Variants in TAOK1 observed in about 807,000 individuals in gnomAD.
TAOK1 encodes the protein serine/threonine-protein kinase TAO1.
In TAOK1, 21 loss-of-function variants were observed where a neutral mutation model predicts 138.3. That is an observed-to-expected ratio of 0.15 (90% CI 0.11 to 0.22). TAOK1 has a LOEUF of 0.22. Ranked by LOEUF, TAOK1 falls within the 10% of genes least tolerant of loss-of-function variation. TAOK1 has a pLI of 1.00. For missense variants in TAOK1, 651 were observed against 1,227.7 expected, an observed-to-expected ratio of 0.53 and a Z score of 7.02; for synonymous variants, 361 against 398.4, an observed-to-expected ratio of 0.91 and a Z score of 1.12.
rs530484486 is a variant in TAOK1, at chr17:29,500,379, A to C, written c.1203+1858A>C. ...CACTTCACAGCTTGTGTTATTATCT[A>C]AAAGTAGTAGGTACAATGGCTAAAA... On this transcript the variant is annotated intron_variant, in intron 12 of 19. Transcript: ENST00000261716. Among the ~76,000 whole-genome samples the C allele has an allele frequency of 7.9e-5, 12 of 152,226 alleles. No homozygotes were observed. The South Asian group carries it at 1.2e-3, about 16-fold the overall frequency.
chr17:29,425,964 T>G (rs1041268728), intron 1 of TAOK1, among the ~76,000 whole-genome samples: 2 of 152,214 alleles, frequency 1.3e-5, no homozygotes, highest in Non-Finnish European at 2.9e-5. Context: ...CACTGCAAGC[T>G]CCGCCTTCTG....
intron 7 of TAOK1, 127 bp from the exon 8 acceptor site, chr17:29,482,070 A>G (rs1380383484): frequency 1.1e-5 from 7 of 626,784 alleles, no homozygotes; most frequent in Non-Finnish European, 1.9e-5. Context: ...CGTTATAAAA[A>G]TTCTTATGTC....
chr17:29,445,141 C>G (rs2030044200), intron 1 of TAOK1, among the ~76,000 whole-genome samples: 1 of 152,058 alleles, frequency 6.6e-6, no homozygotes, highest in South Asian at 2.1e-4. Context: ...TTTGTGGGTA[C>G]ATAGTAGGTT....
chr17:29,535,459 A>G (rs955850254), intron 19 of TAOK1, among the ~76,000 whole-genome samples: 2 of 152,166 alleles, frequency 1.3e-5, no homozygotes, highest in African/African-American at 4.8e-5. Context: ...TTACCTAATG[A>G]TCTTCCTAAA....
At chr17:29,513,332 A>G (rs2031757758) in intron 15 of TAOK1, 1 of 152,146 alleles carries the variant, frequency 6.6e-6, no homozygotes, top group Non-Finnish European at 1.5e-5. Context: ...TCCCATGACT[A>G]TAATTCGAAA....
At chr17:29,527,499 C>T (rs1337297202) in intron 17 of TAOK1, among the ~76,000 whole-genome samples, 2 of 152,102 alleles carry the variant, frequency 1.3e-5, no homozygotes, top group Non-Finnish European at 2.9e-5. Flanking sequence ...CATAGCTAAA[C>T]TAAGAGTTTC....
At chr17:29,447,169 G>A (rs926618092) in intron 1 of TAOK1, among the ~76,000 whole-genome samples, 2 of 151,716 alleles carry the variant, frequency 1.3e-5, no homozygotes, top group African/African-American at 4.8e-5. Context: ...TCCTGCCTGA[G>A]CCTCCTGGGT....
At chr17:29,455,334 C>T (rs928570095) in intron 2 of TAOK1, among the ~76,000 whole-genome samples, 2 of 150,652 alleles carry the variant, frequency 1.3e-5, no homozygotes, top group Non-Finnish European at 2.9e-5. Flanking sequence ...ATCTTGTACC[C>T]TACAACTCTG....
chr17:29,409,327 ATATATATT>A lies in TAOK1; in HGVS notation c.-95+18305_-95+18312del, dbSNP rs1253389735. 7.8e-4 allele frequency among the ~76,000 whole-genome samples: 59 copies of A among 76,024 alleles called. 1 individual carries two copies. In the East Asian group the frequency reaches 0.011, roughly 14 times the overall value. 49.9% of individuals were successfully genotyped at this position (76,024 alleles called of 152,430 possible). A position where few individuals can be genotyped will look rare whatever the true frequency, so the allele number is the denominator to read the frequency against. On this transcript the variant is annotated intron_variant, in intron 1 of 19. Coordinates refer to ENST00000261716, the MANE Select transcript of TAOK1 (RefSeq NM_020791.4). ...TATGGACATATATATATATATATAT[ATATATATT>A]TTTTTTTTTTTTTTTTTGAGATGGA...
At chr17:29,499,513 T>C (rs1381166572) in intron 12 of TAOK1, among the ~76,000 whole-genome samples, 3 of 151,652 alleles carry the variant, frequency 2.0e-5, no homozygotes, top group Non-Finnish European at 4.4e-5. Context: ...ATTACAGGTG[T>C]GAGCCACTGC....
intron 17 of TAOK1, among the ~76,000 whole-genome samples, chr17:29,523,130 C>T (rs1191413510): frequency 2.0e-5 from 3 of 150,590 alleles, no homozygotes; most frequent in Non-Finnish European, 4.4e-5. Flanking sequence ...TTATATTCTA[C>T]ATGTCAACAA....
rs182089950 is a variant in TAOK1, at chr17:29,532,542, T to A, written c.2362-1576T>A. Among the ~76,000 whole-genome samples the A allele has an allele frequency of 2.5e-3, 374 of 152,160 alleles. 3 individuals are homozygous for A. The highest frequency in any genetic ancestry group is 8.1e-3 in the African/African-American group (336 of 41,514). ...GGTACTTGAGATTAGGGAGTGGTGA[T>A]GACTCTTAACGAGCATGCTGCCTTC... On this transcript the variant is annotated intron_variant, in intron 18 of 19. Transcript: ENST00000261716.
At chr17:29,443,181 A>G (rs1434641040) in intron 1 of TAOK1, among the ~76,000 whole-genome samples, 1 of 152,214 alleles carries the variant, frequency 6.6e-6, no homozygotes, top group East Asian at 1.9e-4. Context: ...ATAATATTAA[A>G]TCAACTGCTT....
At chr17:29,540,648 G>A (rs903179145) in intron 19 of TAOK1, among the ~76,000 whole-genome samples, 1 of 152,010 alleles carries the variant, frequency 6.6e-6, no homozygotes, top group Non-Finnish European at 1.5e-5. Context: ...TCTTCTCACC[G>A]CAACCTCCGC....
At chr17:29,523,222 TA>T (rs1200378105) in intron 17 of TAOK1, among the ~76,000 whole-genome samples, 2 of 151,644 alleles carry the variant, frequency 1.3e-5, no homozygotes, top group East Asian at 3.9e-4. Context: ...GTACAAGATT[TA>T]AAAATATGAA....
At chr17:29,456,006 T>C (rs1464070209) in intron 2 of TAOK1, among the ~76,000 whole-genome samples, 1 of 150,224 alleles carries the variant, frequency 6.7e-6, no homozygotes, top group Non-Finnish European at 1.5e-5. Flanking sequence ...TTCCCTTCTT[T>C]TCTATTTTTT....
chr17:29,457,041 C>G (rs1162543079), intron 2 of TAOK1, among the ~76,000 whole-genome samples: 2 of 138,594 alleles, frequency 1.4e-5, no homozygotes, highest in Non-Finnish European at 3.1e-5. Context: ...CCATATAGTT[C>G]TATTTCTGTA....
intron 1 of TAOK1, among the ~76,000 whole-genome samples, chr17:29,441,287 T>G (rs1263297889): frequency 6.6e-6 from 1 of 152,056 alleles, no homozygotes; most frequent in Non-Finnish European, 1.5e-5. Flanking sequence ...GACTACAGGA[T>G]CACTTGAGCC....
intron 6 of TAOK1, among the ~76,000 whole-genome samples, chr17:29,478,850 G>T (rs956267485): frequency 6.6e-6 from 1 of 152,126 alleles, no homozygotes; most frequent in Non-Finnish European, 1.5e-5. Context: ...GCCAGGCGAG[G>T]TGGCTCACAC....
Sources: allele counts gnomAD v4.1 joint callset (sites outside exome capture counted in the v4.1 genomes callset), GRCh38; gene constraint gnomAD v4.1.1; transcripts MANE v1.5; gene names NCBI Gene and HGNC (gene_info 2026-07-23, HGNC 2026-07-21).